The following NELL1 variants were observed in gnomAD, a reference collection of about 807,000 sequenced individuals.
NELL1 encodes neural EGFL like 1.
In NELL1, 76 loss-of-function variants were observed where a neutral mutation model predicts 107.4. The ratio of observed to expected loss-of-function variants is 0.71; its 90% CI spans 0.59 to 0.86. The LOEUF is 0.86. Ranked by LOEUF, NELL1 falls within the 40% of genes least tolerant of loss-of-function variation. NELL1 has a pLI of 0.00. For synonymous variants in NELL1, 353 were observed against 341.2 expected (o/e 1.03, Z -0.38); for missense variants, 1,024 against 1,005.5 (o/e 1.02, Z -0.25).
chr11:20,864,129 G>C (rs969702011), intron 4 of NELL1, among the ~76,000 whole-genome samples: 3 of 150,286 alleles, frequency 2.0e-5, no homozygotes, highest in African/African-American at 7.4e-5. Context: ...TGTGGGGAGA[G>C]GGAGAGGGAG....
intron 4 of NELL1, among the ~76,000 whole-genome samples, chr11:20,882,731 ATCT>A (rs1849433095): frequency 1.3e-5 from 2 of 152,122 alleles, no homozygotes; most frequent in South Asian, 4.1e-4. Flanking sequence ...TAATTTACAG[ATCT>A]TATTCAAATT....
intron 15 of NELL1, among the ~76,000 whole-genome samples, chr11:21,378,843 G>A (rs866168363): frequency 3.3e-5 from 5 of 151,014 alleles, no homozygotes; most frequent in Non-Finnish European, 5.9e-5. Flanking sequence ...TCAGCCTCCC[G>A]AGTAGCTGGG....
At chr11:20,888,413 C>T (rs2134111654) in intron 5 of NELL1, among the ~76,000 whole-genome samples, 1 of 150,382 alleles carries the variant, frequency 6.6e-6, no homozygotes, top group African/African-American at 2.4e-5. Flanking sequence ...TAGATAGCTT[C>T]TTAGATATGT....
intron 14 of NELL1, among the ~76,000 whole-genome samples, chr11:21,366,713 T>G (rs1851230501): frequency 6.6e-6 from 1 of 151,982 alleles, no homozygotes; most frequent in South Asian, 2.1e-4. Context: ...AGAAATTAGC[T>G]TCAGGAAAAT....
At chr11:21,479,192 T>C (rs981054386) in intron 15 of NELL1, among the ~76,000 whole-genome samples, 16 of 152,262 alleles carry the variant, frequency 1.1e-4, no homozygotes, top group African/African-American at 3.6e-4. Flanking sequence ...TCTGGGTATA[T>C]ACTCAAAAGG....
intron 2 of NELL1, among the ~76,000 whole-genome samples, chr11:20,699,346 C>T (rs73444565): frequency 0.2 from 29,992 of 151,888 alleles, 3,242 homozygotes; most frequent in African/African-American, 0.25. Flanking sequence ...TATATGTATA[C>T]ACCACATTTT....
intron 12 of NELL1, among the ~76,000 whole-genome samples, chr11:20,968,508 T>G (rs1045828556): frequency 6.6e-6 from 1 of 152,202 alleles, no homozygotes; most frequent in Admixed American, 6.5e-5. Context: ...TTGCTAATAC[T>G]CAGTTCATGT....
chr11:20,916,903 T>C (rs1271074850), intron 5 of NELL1, among the ~76,000 whole-genome samples: 1 of 151,936 alleles, frequency 6.6e-6, no homozygotes, highest in African/African-American at 2.4e-5. Context: ...CTGGGGCTCA[T>C]AGAAGGTGGC....
In NELL1 at chr11:20,807,456, C is replaced by T. The variant is rs552049788; in HGVS notation, c.335+23626C>T. Among the ~76,000 whole-genome samples, 100 of 152,328 alleles carry T rather than the reference C, an allele frequency of 6.6e-4. 1 individual carries two copies. Among genetic ancestry groups the T allele is most frequent in the African/African-American group, 2.3e-3 (94 of 41,576 alleles). ...AGGCTGTGGGTGGGGAGACACAGCA[C>T]CCTGTGGTCACCACCACTGGGACTA... On this transcript the variant is annotated intron_variant, in intron 3 of 19. Coordinates refer to ENST00000357134, the MANE Select transcript of NELL1 (RefSeq NM_006157.5).
intron 13 of NELL1, among the ~76,000 whole-genome samples, chr11:21,205,383 G>T (rs2133853548): frequency 6.6e-6 from 1 of 152,292 alleles, no homozygotes; most frequent in South Asian, 2.1e-4. Flanking sequence ...CCACCCAGTT[G>T]GAACTTCCCT....
At chr11:21,402,808 A>G (rs557038717) in intron 15 of NELL1, among the ~76,000 whole-genome samples, 1 of 151,866 alleles carries the variant, frequency 6.6e-6, no homozygotes, top group South Asian at 2.1e-4. Flanking sequence ...TTAGTCTTCT[A>G]TTAGGAGCAT....
At chr11:21,145,236 C>T (rs986441440) in intron 13 of NELL1, among the ~76,000 whole-genome samples, 9 of 151,896 alleles carry the variant, frequency 5.9e-5, no homozygotes, top group African/African-American at 2.2e-4. Context: ...TATTATTATT[C>T]CCATTTTACA....
At position 20,895,506 on chromosome 11, in the gene NELL1, T is replaced by G. The variant is rs1164792214; in HGVS notation, c.603+9966T>G. Among the ~76,000 whole-genome samples the G allele has an allele frequency of 3.8e-5, 5 of 129,960 alleles. No homozygotes were observed. The East Asian group carries it at 8.9e-4, about 23-fold the overall frequency. The allele number at this position is 129,960 out of a possible 152,430, so 85.3% of individuals were successfully genotyped here. ...AAGTGAGAACATGTGATATTTGCCT[T>G]TTTTTTTTTTTTTTTTTGAGACGGA... is the stretch of plus-strand genomic sequence containing the variant. On this transcript the variant is annotated intron_variant, in intron 5 of 19. Transcript: ENST00000357134.
chr11:21,106,080 T>C (rs1449006677), intron 12 of NELL1, among the ~76,000 whole-genome samples: 1 of 151,232 alleles, frequency 6.6e-6, no homozygotes, highest in East Asian at 2.0e-4. Flanking sequence ...GATAGATAGC[T>C]ATGTTTTGCT....
At chr11:21,264,071 G>GGT (rs10525326) in intron 14 of NELL1, among the ~76,000 whole-genome samples, 1,992 of 139,528 alleles carry the variant, frequency 0.014, 32 homozygotes, top group Middle Eastern at 0.026. Flanking sequence ...TCTACAATGG[G>GGT]GTGTGTGTGT....
At chr11:20,683,689 G>T (rs1053293270) in intron 2 of NELL1, among the ~76,000 whole-genome samples, 1 of 151,940 alleles carries the variant, frequency 6.6e-6, no homozygotes, top group African/African-American at 2.4e-5. Flanking sequence ...TTTAGATTTT[G>T]TACATCTGCA....
chr11:21,293,921 A>G (rs762030740), intron 14 of NELL1, among the ~76,000 whole-genome samples: 27 of 151,322 alleles, frequency 1.8e-4, no homozygotes, highest in Non-Finnish European at 3.7e-4. Context: ...TACACACTGA[A>G]GCTTCTTGGA....
intron 14 of NELL1, among the ~76,000 whole-genome samples, chr11:21,277,441 C>A (rs9733962): frequency 0.9 from 133,080 of 147,764 alleles, 60,065 homozygotes; most frequent in Non-Finnish European, 0.93. Flanking sequence ...ACACTTTTAC[C>A]CTGTTGGTGG....
chr11:20,672,036 T>A (rs1853926045), intron 1 of NELL1, among the ~76,000 whole-genome samples: 1 of 152,210 alleles, frequency 6.6e-6, no homozygotes. Context: ...CAATGTCACT[T>A]GGCACTATTT....
Sources: gnomAD v4.1 joint callset for allele counts (sites outside exome capture counted in the v4.1 genomes callset) on GRCh38, gnomAD v4.1.1 for gene constraint, MANE v1.5 for transcripts, NCBI Gene and HGNC (gene_info 2026-07-23, HGNC 2026-07-21) for gene names.